Variants in ZBTB16 observed in about 807,000 individuals in gnomAD.
ZBTB16 encodes the protein zinc finger and BTB domain containing 16.
A neutral mutation model predicts 56.8 loss-of-function variants in ZBTB16; 8 were observed. That is an observed-to-expected ratio of 0.14 (90% CI 0.08 to 0.25). The LOEUF is 0.25. Among genes scored for constraint, ZBTB16 ranks in the 10% least tolerant of loss-of-function variants. ZBTB16 has a pLI of 1.00. For synonymous variants in ZBTB16, 363 were observed against 368.5 expected (o/e 0.98, Z 0.17); for missense variants, 625 against 903.0 (o/e 0.69, Z 3.95).
At chr11:114,088,100 G>T (rs2137716237) in intron 2 of ZBTB16, among the ~76,000 whole-genome samples, 1 of 150,068 alleles carries the variant, frequency 6.7e-6, no homozygotes, top group Non-Finnish European at 1.5e-5. Flanking sequence ...CTCCATTGGA[G>T]CTCCCACACC....
rs1204680123 is a variant in ZBTB16 at position 114,167,242 on chromosome 11, T to TTG, written c.1366+10809_1366+10810insGT. Among the ~76,000 whole-genome samples the TTG allele has an allele frequency of 2.3e-4, 32 of 138,486 alleles. 1 individual carries two copies. The highest frequency in any genetic ancestry group is 1.1e-3 in the Admixed American group (15 of 13,620). 90.9% of individuals were successfully genotyped at this position (138,486 alleles called of 152,430 possible). A position where few individuals can be genotyped will look rare whatever the true frequency, so the allele number is the denominator to read the frequency against. Reference sequence around the variant, plus strand: ...TTTTTTTTTTTTTTGGTTTTTTTTTTTTTTTTTTTTTGACAAGCTTGGTTT... The same window carrying TTG: ...TTTTTTTTTTTTTTGGTTTTTTTTTTTGTTTTTTTTTTTGACAAGCTTGGTTT... On this transcript the variant is annotated intron_variant, in intron 3 of 6. Coordinates refer to ENST00000335953, the MANE Select transcript of ZBTB16 (RefSeq NM_006006.6).
chr11:114,204,143 T>G (rs1413053625), intron 4 of ZBTB16, among the ~76,000 whole-genome samples: 2 of 151,674 alleles, frequency 1.3e-5, no homozygotes, highest in Non-Finnish European at 1.5e-5. Flanking sequence ...ATGTTCTCTG[T>G]GTCCCACTAT....
chr11:114,227,293 C>T (rs1309379398), intron 4 of ZBTB16, among the ~76,000 whole-genome samples: 1 of 152,216 alleles, frequency 6.6e-6, no homozygotes, highest in Non-Finnish European at 1.5e-5. Flanking sequence ...CCACCATCCA[C>T]CTCCTGGGCC....
At chr11:114,154,733 T>G (rs947988442) in intron 2 of ZBTB16, among the ~76,000 whole-genome samples, 1 of 150,954 alleles carries the variant, frequency 6.6e-6, no homozygotes, top group African/African-American at 2.4e-5. Context: ...TAGATAAGGG[T>G]GTGTGTGTGT....
chr11:114,235,632 T>TCC (rs1190659301), intron 4 of ZBTB16, among the ~76,000 whole-genome samples: 551 of 18,204 alleles, frequency 0.03, 4 homozygotes, highest in African/African-American at 0.06. Context: ...CTCCCTTCCT[T>TCC]TCTTTCTTTC....
intron 2 of ZBTB16, among the ~76,000 whole-genome samples, chr11:114,130,157 A>G (rs1429332336): frequency 1.3e-5 from 2 of 151,830 alleles, no homozygotes; most frequent in African/African-American, 4.8e-5. Flanking sequence ...TTGAAGGCAC[A>G]CTCTCTTTCT....
intron 2 of ZBTB16, among the ~76,000 whole-genome samples, chr11:114,149,310 A>T (rs973995638): frequency 6.6e-6 from 1 of 152,198 alleles, no homozygotes; most frequent in Non-Finnish European, 1.5e-5. Context: ...CATGGTCAAT[A>T]TACCACTGTT....
chr11:114,173,549 C>T lies in ZBTB16; in HGVS notation c.1367-13403C>T, dbSNP rs149154182. ...AACTCTGGAGTCTCTAGGAGGGATG[C>T]CTAGGCCTAAAATTTACGTACTCAG... On this transcript the variant is annotated intron_variant, in intron 3 of 6. Transcript: ENST00000335953. Among the ~76,000 whole-genome samples the T allele has an allele frequency of 1.2e-4, 19 of 152,264 alleles. 1 individual carries two copies. In the East Asian group the frequency reaches 3.7e-3, roughly 29 times the overall value.
At position 114,250,466 on chromosome 11, in the gene ZBTB16, A is replaced by G; in HGVS notation, c.1933A>G (p.Met645Val). 6.2e-7 allele frequency: 1 copy of G among 1,614,022 alleles called. No individual in the cohort carries two copies. The highest frequency in any genetic ancestry group is 8.5e-7 in the Non-Finnish European group (1 of 1,180,006). The stretch of plus-strand genomic sequence containing the variant: ...AGAGTACTGCCCCAGCCTCTCCTCC[A>G]TGCAGAAGCACATGAAGGGCCACAA... Reference protein sequence around the residue: ...CTEYCPSLSSMQKHMKGHKPE... With the variant: ...CTEYCPSLSSVQKHMKGHKPE... Residue 645 changes from methionine to valine, a missense_variant, in exon 7 of 7, where the codon ATG becomes GTG. Transcript: ENST00000335953. The surrounding 1 kb of genome is among the most constrained non-coding windows in gnomAD (Gnocchi z 6.0).
chr11:114,209,781 G>C, intron 4 of ZBTB16: 1 of 985,442 alleles, frequency 1.0e-6, no homozygotes, highest in Non-Finnish European at 1.2e-6. Flanking sequence ...ACAGCCCAGG[G>C]ATAAGCTTTA....
chr11:114,082,823 C>T (rs919179823), intron 2 of ZBTB16, among the ~76,000 whole-genome samples: 4 of 152,106 alleles, frequency 2.6e-5, no homozygotes, highest in African/African-American at 4.8e-5. Flanking sequence ...GCTGGTCTGC[C>T]GGACTGTTAC....
chr11:114,125,862 C>T (rs1941495050), intron 2 of ZBTB16, among the ~76,000 whole-genome samples: 1 of 152,200 alleles, frequency 6.6e-6, no homozygotes, highest in African/African-American at 2.4e-5. Context: ...CAATACGCAT[C>T]TCTTTTCACA....
chr11:114,107,980 C>A (rs1940857348), intron 2 of ZBTB16, among the ~76,000 whole-genome samples: 1 of 151,666 alleles, frequency 6.6e-6, no homozygotes, highest in Non-Finnish European at 1.5e-5. Flanking sequence ...CTCCTCCCAC[C>A]TTTATTATGA....
intron 2 of ZBTB16, among the ~76,000 whole-genome samples, chr11:114,111,367 T>C (rs2137779925): frequency 6.6e-6 from 1 of 152,292 alleles, no homozygotes; most frequent in Non-Finnish European, 1.5e-5. Flanking sequence ...CTTAGATGGT[T>C]TATTTCTTTC....
At chr11:114,213,057 G>A (rs1032992695) in intron 4 of ZBTB16, among the ~76,000 whole-genome samples, 20 of 151,692 alleles carry the variant, frequency 1.3e-4, no homozygotes, top group African/African-American at 3.4e-4. Context: ...CCATCCCCCC[G>A]ACCCCCTGTG....
chr11:114,140,229 A>G (rs1941910224), intron 2 of ZBTB16, among the ~76,000 whole-genome samples: 2 of 151,980 alleles, frequency 1.3e-5, no homozygotes, highest in Admixed American at 1.3e-4. Flanking sequence ...CCTCCTTGGT[A>G]TCTTCTAAGC....
intron 1 of ZBTB16, among the ~76,000 whole-genome samples, chr11:114,062,089 G>GAA (rs202240511): frequency 0.018 from 2,650 of 150,604 alleles, 87 homozygotes; most frequent in African/African-American, 0.06. Context: ...GTGTGTGTGT[G>GAA]TAAACACACA....
At chr11:114,122,727 C>T (rs1292292049) in intron 2 of ZBTB16, among the ~76,000 whole-genome samples, 1 of 152,202 alleles carries the variant, frequency 6.6e-6, no homozygotes, top group African/African-American at 2.4e-5. Flanking sequence ...CACCCCAGGA[C>T]TCCCAGGCTT....
intron 4 of ZBTB16, among the ~76,000 whole-genome samples, chr11:114,202,655 G>A (rs1049842022): frequency 7.2e-5 from 11 of 152,266 alleles, no homozygotes; most frequent in African/African-American, 2.6e-4. Flanking sequence ...TTAGAAAAGC[G>A]GCTTAAATAT....
Sources: gnomAD v4.1 joint callset for allele counts (sites outside exome capture counted in the v4.1 genomes callset) on GRCh38, gnomAD v4.1.1 for gene constraint, Gnocchi (gnomAD v3.1) non-coding constraint, MANE v1.5 for transcripts, NCBI Gene and HGNC (gene_info 2026-07-23, HGNC 2026-07-21) for gene names.